Variants in KIF1A observed in about 807,000 individuals in gnomAD.
KIF1A encodes the protein kinesin family member 1A.
Under a neutral mutation model 227.3 loss-of-function variants are expected in KIF1A, and 46 were observed. That is an observed-to-expected ratio of 0.20 (90% CI 0.16 to 0.26). The LOEUF (loss-of-function observed/expected upper bound fraction) is 0.26. KIF1A is among the 10% of genes least tolerant of loss of function. KIF1A has a pLI of 1.00. For missense variants in KIF1A, 1,683 were observed against 2,485.9 expected (o/e 0.68, Z 6.87); for synonymous variants, 1,022 against 1,012.8 (o/e 1.01, Z -0.17).
intron 48 of KIF1A, 33 bp from the exon 49 acceptor site, chr2:240,717,439 G>A (rs769679424): frequency 3.7e-6 from 6 of 1,604,314 alleles, no homozygotes; most frequent in Admixed American, 3.3e-5. Context: ...GGCGTGGTCA[G>A]GCCAGGAACA....
At chr2:240,800,309 T>C (rs1427172050) in intron 1 of KIF1A, among the ~76,000 whole-genome samples, 1 of 152,158 alleles carries the variant, frequency 6.6e-6, no homozygotes, top group Non-Finnish European at 1.5e-5. Context: ...GGGTATGGAA[T>C]ATGCACACCA....
At position 240,778,900 on chromosome 2, in the gene KIF1A, C is replaced by T. The variant is rs1227837178; in HGVS notation, c.883-2974G>A. Among the ~76,000 whole-genome samples, 4 of 152,142 alleles carry T rather than the reference C, an allele frequency of 2.6e-5. No homozygotes were observed. Among genetic ancestry groups the T allele is most frequent in the Non-Finnish European group, 5.9e-5 (4 of 68,034 alleles). ...CATCCCCAATGCGGGTGCACACACA[C>T]TTTCCACACACTTCCTCAGGCCATT... On this transcript the variant is annotated intron_variant, in intron 10 of 48. Coordinates refer to ENST00000498729, the MANE Select transcript of KIF1A (RefSeq NM_001244008.2). This position sits in a 1 kb window ranked among gnomAD's most constrained non-coding sequence, Gnocchi z 7.2.
At chr2:240,802,021 A>C (rs1478080834) in intron 1 of KIF1A, among the ~76,000 whole-genome samples, 1 of 152,098 alleles carries the variant, frequency 6.6e-6, no homozygotes, top group Non-Finnish European at 1.5e-5. Context: ...CAAGACAAAC[A>C]AGAAAGCCAC....
intron 18 of KIF1A, 66 bp from the exon 19 acceptor site, chr2:240,767,087 G>T: frequency 7.6e-7 from 1 of 1,317,108 alleles, no homozygotes; most frequent in Non-Finnish European, 1.1e-6. Flanking sequence ...CCACCCACTG[G>T]CCTCCAGGGA....
At chr2:240,783,656 G>T in intron 8 of KIF1A, 83 bp downstream of exon 8, 2 of 1,121,678 alleles carry the variant, frequency 1.8e-6, no homozygotes, top group South Asian at 1.5e-5. Flanking sequence ...AGGCCCCCGG[G>T]ACCCCAACAG....
At chr2:240,806,220 G>A (rs1212168649) in intron 1 of KIF1A, among the ~76,000 whole-genome samples, 3 of 152,192 alleles carry the variant, frequency 2.0e-5, no homozygotes, top group Non-Finnish European at 2.9e-5. Flanking sequence ...AGTTTGGGTG[G>A]GCAGAGGCAG....
chr2:240,782,709 ACT>A (rs2054231205), intron 9 of KIF1A, 102 bp from the exon 10 acceptor site: 1 of 1,241,112 alleles, frequency 8.1e-7, no homozygotes, highest in Admixed American at 2.0e-5. Flanking sequence ...CCTGGCCATG[ACT>A]CAGGCTCTAC....
Position 240,788,427 on chromosome 2 carries a change from G to A in KIF1A, c.184-197C>T, listed in dbSNP as rs574148483. On this transcript the variant is annotated intron_variant, in intron 3 of 48. Coordinates refer to ENST00000498729, the MANE Select transcript of KIF1A (RefSeq NM_001244008.2). The surrounding 1 kb of genome is among the most constrained non-coding windows in gnomAD (Gnocchi z 6.6). Reference sequence around the variant, plus strand: ...GAGAAGCCCTCTGTGTCACAGATGCGGGATGAAGAGCGGCCAGCCAGGCAG... The same window carrying A: ...GAGAAGCCCTCTGTGTCACAGATGCAGGATGAAGAGCGGCCAGCCAGGCAG... Among the ~76,000 whole-genome samples, 41 of 152,278 alleles carry A rather than the reference G, an allele frequency of 2.7e-4. No individual in the cohort carries two copies. The highest frequency in any genetic ancestry group is 2.0e-3 in the Admixed American group (31 of 15,300).
chr2:240,737,715 CTG>C (rs1195758812), intron 37 of KIF1A, among the ~76,000 whole-genome samples: 23 of 152,324 alleles, frequency 1.5e-4, no homozygotes, highest in Admixed American at 3.9e-4. Context: ...GGGTGTCTGT[CTG>C]TCTCTGTGAA....
chr2:240,762,561 C>T (rs1207925209), intron 23 of KIF1A, among the ~76,000 whole-genome samples, 158 bp downstream of exon 23: 11 of 152,218 alleles, frequency 7.2e-5, no homozygotes, highest in African/African-American at 7.2e-5. Flanking sequence ...GCTGCTTCCA[C>T]GGTGCTTCCC....
rs1367717756 is a variant in KIF1A at position 240,774,404 on chromosome 2, C to A, written c.959-143G>T. ...AGTCACAGGCTTACCCCCCCCCCCA[C>A]CCCCACCCCATGAACACAGACAACA... On this transcript the variant is annotated intron_variant, in intron 11 of 48. Coordinates refer to ENST00000498729, the MANE Select transcript of KIF1A (RefSeq NM_001244008.2). 3.1e-5 allele frequency: 13 copies of A among 416,596 alleles called. No homozygotes were observed. In the East Asian group the frequency reaches 5.0e-4, roughly 16 times the overall value. 25.8% of individuals were successfully genotyped at this position (416,596 alleles called of 1,614,324 possible).
chr2:240,801,768 G>A (rs532343538), intron 1 of KIF1A, among the ~76,000 whole-genome samples: 9 of 152,280 alleles, frequency 5.9e-5, no homozygotes, highest in African/African-American at 1.2e-4. Context: ...GCAAGAAGGC[G>A]TCTAGGAGCC....
chr2:240,735,509 C>A (rs1202369716), intron 38 of KIF1A, among the ~76,000 whole-genome samples: 1 of 152,158 alleles, frequency 6.6e-6, no homozygotes. Flanking sequence ...GCCCACCCCA[C>A]CCCAGGAGCT....
At chr2:240,759,854 A>T (rs1392282760) in intron 25 of KIF1A, among the ~76,000 whole-genome samples, 1 of 152,078 alleles carries the variant, frequency 6.6e-6, no homozygotes, top group Non-Finnish European at 1.5e-5. Context: ...CACAAAAAAA[A>T]TTCAAAAATT....
chr2:240,818,047 G>A (rs1322806993), intron 1 of KIF1A, among the ~76,000 whole-genome samples: 1 of 152,196 alleles, frequency 6.6e-6, no homozygotes, highest in African/African-American at 2.4e-5. Context: ...GTGGGGAAGG[G>A]GGAAAGGAGG....
chr2:240,765,757 G>T lies in KIF1A; in HGVS notation c.1721C>A (p.Thr574Asn). The change falls in exon 20 of 49, where the codon ACC becomes AAC. Residue 574 changes from threonine (T) to asparagine (N), a missense_variant. Physicochemically the swap from Thr to Asn is moderately conservative, Grantham distance 65. Transcript: ENST00000498729. The part of the protein sequence containing the change: ...VTLEPCEGAD[T>N]YVNGKKVTEP... Reference sequence around the variant, plus strand: ...TGTGACTTTCTTGCCATTGACGTAGGTGTCTGCCCCCTCACAGGGCTCCAA... The same window carrying T: ...TGTGACTTTCTTGCCATTGACGTAGTTGTCTGCCCCCTCACAGGGCTCCAA... 4 of 1,613,666 alleles carry T rather than the reference G, an allele frequency of 2.5e-6. No individual in the cohort carries two copies. The highest frequency in any genetic ancestry group is 3.4e-6 in the Non-Finnish European group (4 of 1,179,830).
At chr2:240,774,349 G>A in intron 11 of KIF1A, 88 bp from the exon 12 acceptor site, 1 of 822,662 alleles carries the variant, frequency 1.2e-6, no homozygotes, top group Non-Finnish European at 2.0e-6. Context: ...ATTTACAGAT[G>A]GGGAGGCTGA....
intron 1 of KIF1A, among the ~76,000 whole-genome samples, chr2:240,801,669 C>T (rs2056981966): frequency 6.6e-6 from 1 of 152,136 alleles, no homozygotes; most frequent in African/African-American, 2.4e-5. Flanking sequence ...GTGATTAGGT[C>T]ATGAGGGTGG....
At position 240,723,576 on chromosome 2, in the gene KIF1A, A is replaced by G; in HGVS notation, c.4319-18T>C. 7 of 1,524,582 alleles carry G rather than the reference A, an allele frequency of 4.6e-6. No individual in the cohort carries two copies. Among genetic ancestry groups the G allele is most frequent in the Non-Finnish European group, 6.2e-6 (7 of 1,128,518 alleles). The allele number at this position is 1,524,582 out of a possible 1,614,324, so 94.4% of individuals were successfully genotyped here. On this transcript the variant is annotated intron_variant, in intron 41 of 48. Coordinates refer to ENST00000498729, the MANE Select transcript of KIF1A (RefSeq NM_001244008.2). ...CTGCATCCCTGCATGGGGCACGTGG[A>G]CATTCCACCCCTACCTGATGGGTGG...
Sources: allele counts gnomAD v4.1 joint callset (sites outside exome capture counted in the v4.1 genomes callset), GRCh38; gene constraint gnomAD v4.1.1; non-coding constraint Gnocchi (gnomAD v3.1); transcripts MANE v1.5; gene names NCBI Gene and HGNC (gene_info 2026-07-23, HGNC 2026-07-21).